NOL7: variants seen among roughly 807,000 people sequenced by gnomAD.
NOL7 encodes the protein U3 small nucleolar RNA-associated protein NOL7.
A neutral mutation model predicts 38.4 loss-of-function variants in NOL7; 36 were observed. That is an observed-to-expected ratio of 0.94 (90% confidence interval 0.72 to 1.24). NOL7 has a LOEUF of 1.24. Ranked by LOEUF, NOL7 falls within the 50% of genes most tolerant of loss-of-function variation. The pLI is 0.00. For missense variants in NOL7, 350 were observed against 315.1 expected, an observed-to-expected ratio of 1.11 and a Z score of -0.84; for synonymous variants, 142 against 126.5, an observed-to-expected ratio of 1.12 and a Z score of -0.82.
rs528022007 is a variant in NOL7, at chr6:13,628,459, A to G, written n.574-3934A>G. On this transcript the variant is annotated intron_variant and non_coding_transcript_variant, in intron 8 of 8. Coordinates refer to the NOL7 transcript ENST00000474485. ...AGGGGTTAGGAGCTAAAATACCCCA[A>G]AAAACATACTAAAAAGCTTCAAGTT... Among the ~76,000 whole-genome samples the G allele has an allele frequency of 2.0e-5, 3 of 152,342 alleles. No individual in the cohort carries two copies. In the East Asian group the frequency reaches 5.8e-4, roughly 29 times the overall value.
rs745993107 is a variant in NOL7, at chr6:13,616,467, G to C, written c.332G>C (p.Arg111Thr). The change falls in exon 3 of 8, where the codon AGA becomes ACA. Residue 111 changes from arginine to threonine, a missense_variant. Coordinates refer to ENST00000451315, the MANE Select transcript of NOL7 (RefSeq NM_016167.5). ...TAAACGTTTTCATTCCAAAAGAAAA[G>C]AAAACTCCTTCCAGACACTATTTTG... Reference protein sequence around the residue: ...REELFIEQKKRKLLPDTILEK... With the variant: ...REELFIEQKKTKLLPDTILEK... 10 of 1,606,024 alleles carry C rather than the reference G, an allele frequency of 6.2e-6. No individual in the cohort carries two copies. In the African/African-American group the frequency reaches 1.3e-4, roughly 22 times the overall value.
At chr6:13,628,643 T>C (rs971138472) in intron 8 of NOL7, among the ~76,000 whole-genome samples, 5 of 152,226 alleles carry the variant, frequency 3.3e-5, no homozygotes, top group Admixed American at 3.3e-4. Flanking sequence ...AAATGGTTTA[T>C]ACCATCAAAC....
intron 8 of NOL7, among the ~76,000 whole-genome samples, chr6:13,628,597 T>C (rs1186901034): frequency 1.3e-5 from 2 of 152,226 alleles, no homozygotes; most frequent in African/African-American, 4.8e-5. Flanking sequence ...AGAGTGAAGC[T>C]GTAAGCAACA....
At chr6:13,625,923 G>C (rs1764589551), downstream of NOL7, among the ~76,000 whole-genome samples, 1 of 152,066 alleles carries the variant, frequency 6.6e-6, no homozygotes, top group African/African-American at 2.4e-5. Context: ...CTACATTTTT[G>C]AACATTAAAT....
rs1431832461 is a variant in NOL7, at chr6:13,620,800, G to T, written c.747G>T (p.Met249Ile). The T allele has an allele frequency of 6.2e-7, 1 of 1,602,904 alleles. No individual in the cohort carries two copies. Among genetic ancestry groups the T allele is most frequent in the African/African-American group, 1.3e-5 (1 of 74,488 alleles). Reference protein sequence around the residue: ...QNAKRFKRRWMVRKMKTKK With the variant: ...QNAKRFKRRWIVRKMKTKK ...CCAAGAGGTTTAAAAGACGGTGGAT[G>T]GTCAGAAAGATGAAAACTAAGAAGT... The change falls in exon 8 of 8, where the codon ATG becomes ATT. Residue 249 changes from methionine (M) to isoleucine (I), a missense_variant. Transcript: ENST00000451315.
downstream of NOL7, chr6:13,622,095 A>T: frequency 4.5e-6 from 1 of 223,018 alleles, no homozygotes; most frequent in Non-Finnish European, 8.5e-6. Context: ...ATTGTTTTAA[A>T]GGATTTGTGA....
rs779111944 is a variant in NOL7, at chr6:13,620,422, T to C, written c.637T>C (p.Ser213Pro). The C allele has an allele frequency of 5.0e-6, 8 of 1,614,142 alleles. No homozygotes were observed. The highest frequency in any genetic ancestry group is 6.8e-6 in the Non-Finnish European group (8 of 1,179,982). ...TTCTTTTCTAGTAAATAAGTTCCTG[T>C]CTCTTGCCAACAAGAGGTTACCAGT... ...TNRTTVNKFL[S>P]LANKRLPVKR... Residue 213 changes from serine (S) to proline (P), a missense_variant, in exon 7 of 8, where the codon TCT (serine) becomes CCT (proline). Physicochemically the swap from Ser to Pro is moderately conservative, Grantham distance 74. Transcript: ENST00000451315.
intron 2 of NOL7, 77 bp from the exon 3 acceptor site, chr6:13,616,386 G>C: frequency 2.0e-6 from 2 of 984,886 alleles, no homozygotes; most frequent in Non-Finnish European, 3.1e-6. Context: ...ATTCTTAAAA[G>C]CGGTAACTTC....
intron 8 of NOL7, among the ~76,000 whole-genome samples, chr6:13,626,784 G>A (rs767357162): frequency 6.6e-6 from 1 of 152,280 alleles, no homozygotes; most frequent in Non-Finnish European, 1.5e-5. Flanking sequence ...AGGTTCAGCT[G>A]CTCAAAAAAC....
At chr6:13,627,611 C>T (rs1160724388) in intron 8 of NOL7, among the ~76,000 whole-genome samples, 1 of 117,622 alleles carries the variant, frequency 8.5e-6, no homozygotes, top group African/African-American at 3.4e-5. Flanking sequence ...GCATGGACGA[C>T]AGAGAGAGAC....
Position 13,620,267 on chromosome 6 carries a change from A to G in NOL7, c.560A>G (p.Gln187Arg). ...GACCAAGATCTGAGAGATTCAAGGCAACAAGCAGCACAAGCCTTCATACAT... is the reference window on the plus strand; with the variant it reads ...GACCAAGATCTGAGAGATTCAAGGCGACAAGCAGCACAAGCCTTCATACAT... ...LKDQDLRDSRQQAAQAFIHNS... is the reference protein window; with the variant it reads ...LKDQDLRDSRRQAAQAFIHNS... Residue 187 changes from glutamine to arginine, a missense_variant, in exon 6 of 8, where the codon CAA (glutamine) becomes CGA (arginine). Physicochemically the swap from Gln to Arg is conservative, Grantham distance 43. Coordinates refer to ENST00000451315, the MANE Select transcript of NOL7 (RefSeq NM_016167.5). The G allele has an allele frequency of 6.2e-7, 1 of 1,614,242 alleles. No homozygotes were observed. Among genetic ancestry groups the G allele is most frequent in the East Asian group, 2.2e-5 (1 of 44,886 alleles).
chr6:13,620,870 T>A lies in NOL7; in HGVS notation c.*43T>A. The A allele has an allele frequency of 8.7e-7, 1 of 1,153,154 alleles. No individual in the cohort carries two copies. Among genetic ancestry groups the A allele is most frequent in the South Asian group, 1.5e-5 (1 of 68,498 alleles). 71.4% of individuals were successfully genotyped at this position (1,153,154 alleles called of 1,614,324 possible). On this transcript the variant is annotated 3_prime_UTR_variant, in exon 8 of 8. Transcript: ENST00000451315. ...AATCTGTACTTTGTATGTATAGAAT[T>A]TATCTAATAAATCATTCATAGATCA...
At chr6:13,619,913 T>C (rs1764393224) in intron 5 of NOL7, among the ~76,000 whole-genome samples, 1 of 152,160 alleles carries the variant, frequency 6.6e-6, no homozygotes, top group African/African-American at 2.4e-5. Context: ...TCCCAGCACT[T>C]TGGGAGGCCG....
chr6:13,624,873 G>A (rs116133828), downstream of NOL7, among the ~76,000 whole-genome samples: 931 of 152,194 alleles, frequency 6.1e-3, 5 homozygotes, highest in African/African-American at 0.021. Flanking sequence ...TGATCCTGCC[G>A]GGTACTCACA....
chr6:13,618,751 C>T (rs1373261705), intron 5 of NOL7, among the ~76,000 whole-genome samples: 3 of 152,062 alleles, frequency 2.0e-5, no homozygotes, highest in East Asian at 1.9e-4. Context: ...GTAAGCTGGG[C>T]GTGCTGGTGT....
At chr6:13,629,617 T>A (rs1179586575) in intron 8 of NOL7, among the ~76,000 whole-genome samples, 1 of 152,098 alleles carries the variant, frequency 6.6e-6, no homozygotes, top group East Asian at 1.9e-4. Flanking sequence ...TACTAAAGGG[T>A]CCTTGCAGGC....
At chr6:13,618,677 T>C (rs1764353698) in intron 5 of NOL7, among the ~76,000 whole-genome samples, 1 of 151,824 alleles carries the variant, frequency 6.6e-6, no homozygotes, top group South Asian at 2.1e-4. Flanking sequence ...ATTGCTTGAG[T>C]CCAGAATTTC....
intron 3 of NOL7, among the ~76,000 whole-genome samples, 187 bp from the exon 4 acceptor site, chr6:13,617,583 G>A (rs1366470529): frequency 6.6e-6 from 1 of 152,210 alleles, no homozygotes; most frequent in Non-Finnish European, 1.5e-5. Context: ...TCCAATGCTT[G>A]AGAGTTGGTG....
At chr6:13,617,707 TA>T in intron 3 of NOL7, 62 bp from the exon 4 acceptor site, 1 of 1,484,736 alleles carries the variant, frequency 6.7e-7, no homozygotes, top group Non-Finnish European at 9.4e-7. Context: ...AATGAAATAA[TA>T]TAACATGTTT....
Sources: allele counts gnomAD v4.1 joint callset (sites outside exome capture counted in the v4.1 genomes callset), GRCh38; gene constraint gnomAD v4.1.1; transcripts MANE v1.5; gene names NCBI Gene and HGNC (gene_info 2026-07-23, HGNC 2026-07-21).